The following APLF variants were observed in gnomAD, a reference collection of about 807,000 sequenced individuals.
APLF encodes aprataxin and PNKP like factor, also known as aprataxin and PNK-like factor.
In APLF, 61 loss-of-function variants were observed where a neutral mutation model predicts 55.6. The ratio of observed to expected loss-of-function variants is 1.10; its 90% CI spans 0.89 to 1.36. The LOEUF (loss-of-function observed/expected upper bound fraction) is 1.36. Among genes scored for constraint, APLF ranks in the 40% most tolerant of loss-of-function variants. The pLI, the probability that APLF is intolerant of heterozygous loss-of-function variation, is 0.00. For synonymous variants in APLF, 207 were observed against 214.8 expected (o/e 0.96, Z 0.32); for missense variants, 611 against 602.5 (o/e 1.01, Z -0.15).
At chr2:68,516,875 T>TA (rs1669594140) in intron 5 of APLF, among the ~76,000 whole-genome samples, 1 of 134,240 alleles carries the variant, frequency 7.4e-6, no homozygotes, top group Admixed American at 8.7e-5. Context: ...TAATTATATA[T>TA]AATGTTATAT....
chr2:68,480,260 G>T (rs560689506), intron 1 of APLF, among the ~76,000 whole-genome samples: 2 of 150,476 alleles, frequency 1.3e-5, no homozygotes, highest in Non-Finnish European at 3.0e-5. Flanking sequence ...AAGCAGGGAT[G>T]ATTCAACTTC....
intron 5 of APLF, among the ~76,000 whole-genome samples, chr2:68,517,420 TA>T (rs1669645498): frequency 7.6e-6 from 1 of 131,270 alleles, no homozygotes; most frequent in Non-Finnish European, 1.5e-5. Context: ...TATATATTAC[TA>T]TATATTAATA....
chr2:68,489,567 A>C (rs374268814), intron 1 of APLF, among the ~76,000 whole-genome samples: 2 of 152,246 alleles, frequency 1.3e-5, no homozygotes, highest in African/African-American at 4.8e-5. Context: ...GGCTCAAAAC[A>C]GGAAGCAAAT....
chr2:68,552,402 TAACC>T (rs70954312), intron 8 of APLF, among the ~76,000 whole-genome samples: 14,367 of 152,096 alleles, frequency 0.094, 805 homozygotes, highest in African/African-American at 0.15. Context: ...ATCTTATCCT[TAACC>T]AATACCAAGA....
intron 7 of APLF, among the ~76,000 whole-genome samples, chr2:68,540,488 T>C (rs947653277): frequency 3.9e-5 from 6 of 152,196 alleles, no homozygotes; most frequent in African/African-American, 1.4e-4. Context: ...CATGTATCTT[T>C]ATGGTAGAAT....
intron 8 of APLF, among the ~76,000 whole-genome samples, chr2:68,545,580 A>T (rs939131139): frequency 1.5e-4 from 23 of 152,136 alleles, no homozygotes; most frequent in African/African-American, 5.6e-4. Flanking sequence ...AAAGCTGTTG[A>T]TGCTACCCCA....
chr2:68,516,990 AATAAT>A (rs1181242482), intron 5 of APLF, among the ~76,000 whole-genome samples: 1 of 123,430 alleles, frequency 8.1e-6, no homozygotes, highest in East Asian at 2.1e-4. Flanking sequence ...AATTATATAT[AATAAT>A]ATATGTTAAT....
chr2:68,522,549 G>A (rs1382287541), intron 5 of APLF, among the ~76,000 whole-genome samples: 1 of 151,666 alleles, frequency 6.6e-6, no homozygotes, highest in East Asian at 1.9e-4. Flanking sequence ...TCCATATACG[G>A]TCAGGCACAA....
At chr2:68,507,811 C>T (rs1204975841) in intron 3 of APLF, among the ~76,000 whole-genome samples, 2 of 151,780 alleles carry the variant, frequency 1.3e-5, no homozygotes, top group African/African-American at 4.8e-5. Flanking sequence ...GACATTTTCA[C>T]TCTAGGGAGA....
Position 68,578,109 on chromosome 2 carries a change from A to G in APLF, c.*87A>G. The G allele has an allele frequency of 6.8e-7, 1 of 1,479,242 alleles. No individual in the cohort carries two copies. Among genetic ancestry groups the G allele is most frequent in the Non-Finnish European group, 8.9e-7 (1 of 1,119,564 alleles). 91.6% of individuals were successfully genotyped at this position (1,479,242 alleles called of 1,614,324 possible). On this transcript the variant is annotated 3_prime_UTR_variant, in exon 10 of 10. Transcript: ENST00000303795. ...TGAACTAAGGAGGTACTTAAGTGAC[A>G]GTTATTTTCCTTCTTTTGATAGTTA... is the stretch of plus-strand genomic sequence containing the variant.
At chr2:68,545,814 A>G (rs530307861) in intron 8 of APLF, among the ~76,000 whole-genome samples, 8 of 152,154 alleles carry the variant, frequency 5.3e-5, no homozygotes, top group Non-Finnish European at 1.2e-4. Flanking sequence ...TCATGAGATT[A>G]TGTTTGTTTC....
chr2:68,481,352 T>A (rs1675949839), intron 1 of APLF, among the ~76,000 whole-genome samples: 1 of 125,312 alleles, frequency 8.0e-6, no homozygotes, highest in African/African-American at 3.1e-5. Context: ...GGGTATCATC[T>A]GGGCTGGCAG....
At chr2:68,543,214 A>G (rs1199346144) in intron 7 of APLF, among the ~76,000 whole-genome samples, 1 of 152,178 alleles carries the variant, frequency 6.6e-6, no homozygotes, top group Non-Finnish European at 1.5e-5. Flanking sequence ...TAATGGGTAT[A>G]GAGTTTTCAG....
At chr2:68,519,690 A>G (rs1268390188) in intron 5 of APLF, among the ~76,000 whole-genome samples, 2 of 150,622 alleles carry the variant, frequency 1.3e-5, no homozygotes, top group African/African-American at 2.4e-5. Flanking sequence ...ATATATATAT[A>G]TATTAGTTTC....
chr2:68,555,194 A>G (rs1670971354), intron 8 of APLF, among the ~76,000 whole-genome samples: 1 of 152,210 alleles, frequency 6.6e-6, no homozygotes, highest in African/African-American at 2.4e-5. Context: ...TAAGACCAGA[A>G]ACTGTAAAAA....
At chr2:68,571,432 A>G (rs1376353556) in intron 9 of APLF, among the ~76,000 whole-genome samples, 2 of 152,094 alleles carry the variant, frequency 1.3e-5, no homozygotes, top group African/African-American at 4.8e-5. Context: ...TTTTAGGTCT[A>G]ACATTTAAGT....
rs1179549686 is a variant in APLF, at chr2:68,555,056, G to A, written c.1286+9744G>A. Among the ~76,000 whole-genome samples the A allele has an allele frequency of 2.6e-5, 4 of 152,166 alleles. No individual in the cohort carries two copies. The East Asian group carries it at 7.7e-4, about 29-fold the overall frequency. On this transcript the variant is annotated intron_variant, in intron 8 of 9. Transcript: ENST00000303795. ...CAAAGATGTTTGTGTTTATAAAGTGGGGAAAGGATACCCTATTCAACAAAT... is the reference window on the plus strand; with the variant it reads ...CAAAGATGTTTGTGTTTATAAAGTGAGGAAAGGATACCCTATTCAACAAAT...
chr2:68,514,528 T>C (rs1200381361), intron 5 of APLF, among the ~76,000 whole-genome samples: 2 of 151,866 alleles, frequency 1.3e-5, no homozygotes, highest in East Asian at 1.9e-4. Context: ...TTCCTTCACT[T>C]TCCAGCTGCT....
chr2:68,507,761 T>G (rs1208176324), intron 3 of APLF, among the ~76,000 whole-genome samples: 1 of 151,912 alleles, frequency 6.6e-6, no homozygotes, highest in Non-Finnish European at 1.5e-5. Context: ...GTATAACATT[T>G]TGTTTTCATA....
Sources: allele counts gnomAD v4.1 joint callset (sites outside exome capture counted in the v4.1 genomes callset), GRCh38; gene constraint gnomAD v4.1.1; transcripts MANE v1.5; gene names NCBI Gene and HGNC (gene_info 2026-07-23, HGNC 2026-07-21).